Variants in WDHD1 observed in about 807,000 individuals in gnomAD.
WDHD1 encodes the protein WD repeat and HMG-box DNA-binding protein 1.
Under a neutral mutation model 135.4 loss-of-function variants are expected in WDHD1, and 111 were observed. The ratio of observed to expected loss-of-function variants is 0.82; its 90% CI spans 0.70 to 0.96. WDHD1 has a LOEUF of 0.96. WDHD1 is among the 40% of genes least tolerant of loss of function. WDHD1 has a pLI of 0.00. For synonymous variants in WDHD1, 434 were observed against 439.0 expected, an observed-to-expected ratio of 0.99 and a Z score of 0.14; for missense variants, 1,351 against 1,336.3, an observed-to-expected ratio of 1.01 and a Z score of -0.17.
At chr14:54,951,896 G>A (rs7159953) in intron 24 of WDHD1, among the ~76,000 whole-genome samples, 54,594 of 151,984 alleles carry the variant, frequency 0.36, 10,213 homozygotes, top group African/African-American at 0.45. Context: ...AAACCACATG[G>A]TTATCTCAAT....
At chr14:54,950,207 T>C (rs2041018998) in intron 24 of WDHD1, among the ~76,000 whole-genome samples, 1 of 152,146 alleles carries the variant, frequency 6.6e-6, no homozygotes, top group Non-Finnish European at 1.5e-5. Flanking sequence ...GCAAATTGGA[T>C]AAAGAGTCAA....
rs1190542375 is a variant in WDHD1 at position 54,991,229 on chromosome 14, A to G, written c.1325T>C (p.Leu442Pro). ...AAGTCTTACCATGAATCTGTGAGTG[A>G]GATGCAACGGTGTAGAACCTGACTG... is the stretch of plus-strand genomic sequence containing the variant. Reference protein sequence around the residue: ...PFQSGSTPLHLTHRFMVWNSI... With the variant: ...PFQSGSTPLHPTHRFMVWNSI... The change falls in exon 12 of 26, where the codon CTC becomes CCC. Residue 442 changes from leucine to proline, a missense_variant. By Grantham distance (98) the Leu-to-Pro change is moderately conservative. This residue lies in a region of WDHD1 where 1,330 missense variants were observed against 1,296.1 expected (regional missense o/e 1.03). Transcript: ENST00000360586. 1.3e-6 allele frequency: 2 copies of G among 1,594,178 alleles called. No homozygotes were observed. Among genetic ancestry groups the G allele is most frequent in the Non-Finnish European group, 1.7e-6 (2 of 1,162,264 alleles).
chr14:54,949,952 T>C (rs926659744), intron 24 of WDHD1, among the ~76,000 whole-genome samples: 12 of 152,134 alleles, frequency 7.9e-5, no homozygotes, highest in East Asian at 3.9e-4. Context: ...CTGAGAGATT[T>C]TGTCACCACC....
chr14:54,975,703 C>CTT (rs112393098), intron 16 of WDHD1, among the ~76,000 whole-genome samples: 4 of 145,192 alleles, frequency 2.8e-5, no homozygotes, highest in Non-Finnish European at 6.1e-5. Flanking sequence ...TAAATTAATG[C>CTT]TTTTTTTTTT....
chr14:54,971,206 GC>G (rs1160942256), intron 16 of WDHD1, among the ~76,000 whole-genome samples: 1 of 152,130 alleles, frequency 6.6e-6, no homozygotes, highest in Non-Finnish European at 1.5e-5. Context: ...GTCCACAAAA[GC>G]AATTGCAACA....
intron 18 of WDHD1, among the ~76,000 whole-genome samples, chr14:54,965,000 G>C (rs934886577): frequency 2.0e-5 from 3 of 152,108 alleles, no homozygotes; most frequent in Non-Finnish European, 4.4e-5. Context: ...CAAACTTAAG[G>C]CCATGTTGCA....
intron 16 of WDHD1, among the ~76,000 whole-genome samples, chr14:54,969,343 GA>G (rs141857558): frequency 0.47 from 56,030 of 119,438 alleles, 12,078 homozygotes; most frequent in African/African-American, 0.65. Context: ...TCCGTTTCAA[GA>G]AAAAAAAAAA....
At chr14:54,990,689 T>C (rs1396887932) in intron 12 of WDHD1, among the ~76,000 whole-genome samples, 3 of 152,058 alleles carry the variant, frequency 2.0e-5, no homozygotes, top group African/African-American at 7.2e-5. Flanking sequence ...CACTGTATCA[T>C]ACCTTGTTCC....
intron 13 of WDHD1, among the ~76,000 whole-genome samples, chr14:54,988,185 T>A (rs1419702949): frequency 6.6e-6 from 1 of 152,128 alleles, no homozygotes; most frequent in Non-Finnish European, 1.5e-5. Flanking sequence ...AAATATTAAG[T>A]AGAAAAAGCA....
intron 16 of WDHD1, among the ~76,000 whole-genome samples, chr14:54,972,697 G>A (rs1019536499): frequency 2.7e-5 from 4 of 150,248 alleles, no homozygotes; most frequent in African/African-American, 9.8e-5. Context: ...GTGGGCACTT[G>A]TAATCCCAGA....
At chr14:55,001,295 C>T (rs1016901255) in intron 8 of WDHD1, among the ~76,000 whole-genome samples, 1 of 152,224 alleles carries the variant, frequency 6.6e-6, no homozygotes, top group Non-Finnish European at 1.5e-5. Flanking sequence ...GGGTCTTGCT[C>T]TGCCACCTAG....
chr14:55,013,104 C>CA (rs2042197842), intron 3 of WDHD1, among the ~76,000 whole-genome samples: 1 of 149,970 alleles, frequency 6.7e-6, no homozygotes, highest in Admixed American at 6.8e-5. Flanking sequence ...CATGCACCTA[C>CA]AGTCCTAGCT....
chr14:55,022,658 T>G (rs1019656634), intron 2 of WDHD1, among the ~76,000 whole-genome samples: 2 of 151,504 alleles, frequency 1.3e-5, no homozygotes, highest in African/African-American at 4.9e-5. Context: ...CTCCAGCCGG[T>G]GAGACAGCTA....
At chr14:54,952,340 C>CAGACAAACAGAGA in intron 24 of WDHD1, among the ~76,000 whole-genome samples, 2 of 152,326 alleles carry the variant, frequency 1.3e-5, no homozygotes, top group Non-Finnish European at 2.9e-5. Context: ...CATTCTTATA[C>CAGACAAACAGAGA]ACCAATAACA....
intron 11 of WDHD1, among the ~76,000 whole-genome samples, chr14:54,994,899 C>T (rs1443895834): frequency 6.6e-6 from 1 of 152,044 alleles, no homozygotes; most frequent in Non-Finnish European, 1.5e-5. Flanking sequence ...TAGTGATGGC[C>T]CACCTCTCTT....
intron 4 of WDHD1, among the ~76,000 whole-genome samples, chr14:55,009,700 G>C (rs1353876081): frequency 6.6e-6 from 1 of 152,016 alleles, no homozygotes; most frequent in Non-Finnish European, 1.5e-5. Flanking sequence ...CCAAAGGGCT[G>C]GGATTACAGG....
At position 54,951,109 on chromosome 14, in the gene WDHD1, T is replaced by C. The variant is rs1329076227; in HGVS notation, c.3050+4452A>G. On this transcript the variant is annotated intron_variant, in intron 24 of 25. Coordinates refer to ENST00000360586, the MANE Select transcript of WDHD1 (RefSeq NM_007086.4). The stretch of plus-strand genomic sequence containing the variant: ...AGAACTAGAGAAGCAAGAGCAAACA[T>C]ATTCAAAAGCTAGCAGAAGGCAAGA... Among the ~76,000 whole-genome samples, 5 of 151,798 alleles carry C rather than the reference T, an allele frequency of 3.3e-5. No homozygotes were observed. The East Asian group carries it at 7.7e-4, about 23-fold the overall frequency.
intron 2 of WDHD1, among the ~76,000 whole-genome samples, chr14:55,020,311 C>T (rs1451046162): frequency 6.6e-6 from 1 of 152,202 alleles, no homozygotes; most frequent in Non-Finnish European, 1.5e-5. Context: ...TTGCCAATGG[C>T]CTCCACATTG....
intron 25 of WDHD1, among the ~76,000 whole-genome samples, chr14:54,943,701 C>T (rs938151628): frequency 6.6e-6 from 1 of 152,148 alleles, no homozygotes; most frequent in Non-Finnish European, 1.5e-5. Context: ...CTCAGCTTGA[C>T]ACTTTTGATT....
Sources: allele counts gnomAD v4.1 joint callset (sites outside exome capture counted in the v4.1 genomes callset), GRCh38; gene constraint gnomAD v4.1.1; regional missense constraint gnomAD v4.1.1; transcripts MANE v1.5; gene names NCBI Gene and HGNC (gene_info 2026-07-23, HGNC 2026-07-21).